SCHIP1: variants seen among roughly 807,000 people sequenced by gnomAD.
SCHIP1 encodes schwannomin interacting protein 1.
A neutral mutation model predicts 29.7 loss-of-function variants in SCHIP1; 8 were observed. The ratio of observed to expected loss-of-function variants is 0.27; its 90% confidence interval spans 0.16 to 0.49. The LOEUF (loss-of-function observed/expected upper bound fraction) is 0.49, where lower values mean the gene tolerates loss of function less well. SCHIP1 is among the 20% of genes least tolerant of loss of function. SCHIP1 has a pLI of 0.99. For synonymous variants in SCHIP1, 76 were observed against 94.9 expected (o/e 0.80, Z 1.16); for missense variants, 193 against 294.6 (o/e 0.66, Z 2.52).
chr3:159,290,008 C>T, the SCHIP1 span, among the ~76,000 whole-genome samples: 1 of 152,290 alleles, frequency 6.6e-6, no homozygotes, highest in South Asian at 2.1e-4. Context: ...TAAGCAGTTG[C>T]CTCCTAACAC....
At chr3:159,454,560 A>G in the SCHIP1 span, among the ~76,000 whole-genome samples, 1 of 152,218 alleles carries the variant, frequency 6.6e-6, no homozygotes, top group East Asian at 1.9e-4. Flanking sequence ...TTTAGATTCT[A>G]TCCCTGGGTT....
the SCHIP1 span, among the ~76,000 whole-genome samples, chr3:159,492,707 C>T: frequency 4.6e-5 from 7 of 152,122 alleles, no homozygotes; most frequent in East Asian, 1.9e-4. Context: ...ACTTCCCCAA[C>T]CTAGCAAGGC....
chr3:159,431,752 T>G, the SCHIP1 span, among the ~76,000 whole-genome samples: 1 of 149,278 alleles, frequency 6.7e-6, no homozygotes, highest in South Asian at 2.1e-4. Context: ...GTGGTTGCAA[T>G]GAGCTGAGAT....
At chr3:159,833,971 C>T in the SCHIP1 span, among the ~76,000 whole-genome samples, 5 of 152,180 alleles carry the variant, frequency 3.3e-5, 1 homozygote, top group South Asian at 1.0e-3. Context: ...ATCCCTCTGT[C>T]TTTGCCCTTC....
chr3:159,508,141 G>A, the SCHIP1 span, among the ~76,000 whole-genome samples: 313 of 152,102 alleles, frequency 2.1e-3, 3 homozygotes, highest in African/African-American at 6.7e-3. Context: ...CCTCAATTTC[G>A]GAGCCTGTTA....
chr3:159,778,033 G>A, the SCHIP1 span, among the ~76,000 whole-genome samples: 48 of 151,792 alleles, frequency 3.2e-4, no homozygotes, highest in South Asian at 6.0e-3. Flanking sequence ...CACCCAGGCT[G>A]GAGTGCAGTG....
At chr3:159,469,941 A>ATTT in the SCHIP1 span, among the ~76,000 whole-genome samples, 1 of 152,210 alleles carries the variant, frequency 6.6e-6, no homozygotes, top group African/African-American at 2.4e-5. Context: ...TCATTAAATA[A>ATTT]TAATGAACAT....
the SCHIP1 span, among the ~76,000 whole-genome samples, chr3:159,510,429 C>T: frequency 1.3e-5 from 2 of 152,104 alleles, no homozygotes; most frequent in Non-Finnish European, 2.9e-5. Flanking sequence ...TCCTTTAGCT[C>T]GGGGAAGTTT....
the SCHIP1 span, among the ~76,000 whole-genome samples, chr3:159,466,357 A>G: frequency 6.6e-6 from 1 of 152,084 alleles, no homozygotes; most frequent in African/African-American, 2.4e-5. Flanking sequence ...TTGGAATTTT[A>G]ATGAGTATGA....
the SCHIP1 span, among the ~76,000 whole-genome samples, chr3:159,608,343 CA>C: frequency 6.6e-6 from 1 of 152,124 alleles, no homozygotes; most frequent in African/African-American, 2.4e-5. Flanking sequence ...AAATTAGTCT[CA>C]AAATATATAC....
At chr3:159,831,007 C>T in the SCHIP1 span, among the ~76,000 whole-genome samples, 1 of 152,166 alleles carries the variant, frequency 6.6e-6, no homozygotes, top group African/African-American at 2.4e-5. Context: ...AGAAAGGATT[C>T]CTGTTCCACT....
At chr3:159,771,083 TTTTA>T in the SCHIP1 span, among the ~76,000 whole-genome samples, 1 of 152,222 alleles carries the variant, frequency 6.6e-6, no homozygotes. Flanking sequence ...TAATGTGTCT[TTTTA>T]TTTGTTTATA....
At chr3:159,333,018 A>G in the SCHIP1 span, among the ~76,000 whole-genome samples, 1 of 152,320 alleles carries the variant, frequency 6.6e-6, no homozygotes, top group South Asian at 2.1e-4. Context: ...TTAGGAACAA[A>G]TAAAAGGCAA....
the SCHIP1 span, among the ~76,000 whole-genome samples, chr3:159,438,432 A>T: frequency 6.6e-6 from 1 of 152,156 alleles, no homozygotes; most frequent in Non-Finnish European, 1.5e-5. Context: ...TGCAAAGAAC[A>T]CACAGACCGG....
chr3:159,596,938 AAAGTAT>A, the SCHIP1 span, among the ~76,000 whole-genome samples: 1 of 152,024 alleles, frequency 6.6e-6, no homozygotes, highest in Non-Finnish European at 1.5e-5. Flanking sequence ...CCTAGAACTT[AAAGTAT>A]AATAATAAAA....
chr3:159,623,189 AATTGT>A, the SCHIP1 span, among the ~76,000 whole-genome samples: 1 of 152,182 alleles, frequency 6.6e-6, no homozygotes, highest in Admixed American at 6.5e-5. Flanking sequence ...TAAACTGCAA[AATTGT>A]ATTTATACTA....
At chr3:159,795,774 G>T in the SCHIP1 span, among the ~76,000 whole-genome samples, 10 of 152,200 alleles carry the variant, frequency 6.6e-5, no homozygotes, top group East Asian at 1.7e-3. Flanking sequence ...AACAACGTGT[G>T]TAAAATTATG....
the SCHIP1 span, among the ~76,000 whole-genome samples, chr3:159,284,019 T>C: frequency 6.6e-6 from 1 of 152,162 alleles, no homozygotes; most frequent in Non-Finnish European, 1.5e-5. Flanking sequence ...TCACCTGTAG[T>C]TTGTATTTCT....
At chr3:159,885,738 T>C (rs1481175260) in intron 2 of SCHIP1, among the ~76,000 whole-genome samples, 1 of 152,236 alleles carries the variant, frequency 6.6e-6, no homozygotes, top group African/African-American at 2.4e-5. Context: ...GACCCTATTC[T>C]GTCTATTTGG....
Sources: gnomAD v4.1 joint callset for allele counts (sites outside exome capture counted in the v4.1 genomes callset) on GRCh38, gnomAD v4.1.1 for gene constraint, MANE v1.5 for transcripts, NCBI Gene and HGNC (gene_info 2026-07-23, HGNC 2026-07-21) for gene names.